Variants in DLG3 observed in about 807,000 individuals in gnomAD.
DLG3 encodes discs large MAGUK scaffold protein 3.
In DLG3, 1 loss-of-function variant was observed where a neutral mutation model predicts 64.1. That is an observed-to-expected ratio of 0.02 (90% CI 0.01 to 0.07). The LOEUF is 0.07. Among genes scored for constraint, DLG3 ranks in the 10% least tolerant of loss-of-function variants. The probability of loss-of-function intolerance (pLI) is 1.00; values close to 1 mark genes in which losing one functional copy is unlikely to be tolerated. For missense variants in DLG3, 429 were observed against 669.5 expected (o/e 0.64, Z 3.96); for synonymous variants, 245 against 259.8 (o/e 0.94, Z 0.55).
At chrX:70,488,475 C>T (rs905406792) in intron 10 of DLG3, among the ~76,000 whole-genome samples, 2 of 111,729 alleles carry the variant, frequency 1.8e-5, no homozygotes, top group Non-Finnish European at 3.8e-5. Context: ...AATTTTCTAG[C>T]TTAGTCAAAC....
chrX:70,447,576 C>T (rs916757547), intron 1 of DLG3, among the ~76,000 whole-genome samples: 3 of 111,848 alleles, frequency 2.7e-5, no homozygotes, highest in Admixed American at 9.4e-5. Context: ...GGAGGTGGGA[C>T]GGGGGAAGCA....
In DLG3 at chrX:70,473,594, T is replaced by A. The variant is rs748906006; in HGVS notation, c.1406-5556T>A. Among the ~76,000 whole-genome samples the A allele has an allele frequency of 3.1e-4, 35 of 111,202 alleles. No homozygotes were observed. In the East Asian group the frequency reaches 6.7e-3, roughly 21 times the overall value. On this transcript the variant is annotated intron_variant, in intron 9 of 18. Transcript: ENST00000374360. ...CAGTAGACATTCAGTAATTTTTTTT[T>A]ATTTTTTTTTATTTTTAGAGACAGC...
chrX:70,492,649 C>A (rs1241976515), intron 12 of DLG3, 53 bp downstream of exon 12: 1 of 1,086,582 alleles, frequency 9.2e-7, no homozygotes, highest in Non-Finnish European at 1.3e-6. Flanking sequence ...GGTTGAGAAG[C>A]CTGGAGTTTA....
At chrX:70,478,720 C>G (rs1015459926) in intron 9 of DLG3, among the ~76,000 whole-genome samples, 1 of 111,720 alleles carries the variant, frequency 9.0e-6, no homozygotes, top group East Asian at 2.8e-4. Context: ...CCCCTCCGCT[C>G]TGCGTCTCAG....
chrX:70,468,990 G>C (rs2086926985), intron 9 of DLG3, among the ~76,000 whole-genome samples: 1 of 110,571 alleles, frequency 9.0e-6, no homozygotes. Flanking sequence ...CCCATCATTA[G>C]AAACTAACCC....
chrX:70,450,065 G>A (rs766212047), intron 4 of DLG3, 104 bp from the exon 5 acceptor site: 569 of 1,084,304 alleles, frequency 5.2e-4, no homozygotes, highest in Non-Finnish European at 6.5e-4. Flanking sequence ...GGGAGCTCCT[G>A]TGGGGCCAGT....
chrX:70,493,256 A>G (rs2087391323), intron 12 of DLG3: 9 of 565,160 alleles, frequency 1.6e-5, no homozygotes, highest in Non-Finnish European at 2.4e-5. Flanking sequence ...TTTGTGAGAG[A>G]TGGTCTTTTA....
intron 9 of DLG3, among the ~76,000 whole-genome samples, chrX:70,476,219 CACAA>C (rs2087052697): frequency 1.8e-5 from 2 of 112,051 alleles, no homozygotes; most frequent in Admixed American, 9.5e-5. Flanking sequence ...CTTTGTGGGT[CACAA>C]ACAGTTGGGT....
rs773564625 is a variant in DLG3 at position 70,450,501 on chromosome X, C to T, written c.841-138C>T. 7.0e-3 allele frequency: 6,533 copies of T among 935,411 alleles called. 21 individuals carry two copies. Among genetic ancestry groups the T allele is most frequent in the Non-Finnish European group, 9.0e-3 (6,005 of 668,158 alleles). 77.1% of individuals were successfully genotyped at this position (935,411 alleles called of 1,213,427 possible). On this transcript the variant is annotated intron_variant, in intron 5 of 18. Coordinates refer to ENST00000374360, the MANE Select transcript of DLG3 (RefSeq NM_021120.4). ...CAGGGTCTTGCCCTATCCCCTACCTCCTGCCTCTGCTCCTCACAGCACTAT... is the reference window on the plus strand; with the variant it reads ...CAGGGTCTTGCCCTATCCCCTACCTTCTGCCTCTGCTCCTCACAGCACTAT...
chrX:70,457,477 A>G (rs946889345), intron 9 of DLG3, among the ~76,000 whole-genome samples: 2 of 112,192 alleles, frequency 1.8e-5, no homozygotes, highest in Non-Finnish European at 3.8e-5. Context: ...GGTGTTATTG[A>G]GAGGTAAGTC....
intron 9 of DLG3, among the ~76,000 whole-genome samples, chrX:70,465,792 C>T (rs903026387): frequency 6.8e-4 from 76 of 111,755 alleles, no homozygotes; most frequent in Non-Finnish European, 1.2e-3. Flanking sequence ...TTTCCTCGAT[C>T]ACCATATATT....
At chrX:70,454,571 T>G (rs958509210) in intron 9 of DLG3, among the ~76,000 whole-genome samples, 2 of 111,525 alleles carry the variant, frequency 1.8e-5, no homozygotes, top group African/African-American at 6.5e-5. Flanking sequence ...AGCAGCCTAC[T>G]GGAAGCAGCA....
chrX:70,503,651 G>A lies in DLG3; in HGVS notation c.*1382G>A, dbSNP rs1602999931. ...GCTCTGCTCCAGCCCCTCCCCAACA[G>A]CTGGTAGCTTATGGTTTCTTCAAGA... is the stretch of plus-strand genomic sequence containing the variant. On this transcript the variant is annotated 3_prime_UTR_variant, in exon 19 of 19. Coordinates refer to ENST00000374360, the MANE Select transcript of DLG3 (RefSeq NM_021120.4). 9.0e-6 allele frequency: 1 copy of A among 111,161 alleles called. No individual in the cohort carries two copies. The highest frequency in any genetic ancestry group is 3.3e-5 in the African/African-American group (1 of 30,450). The allele number at this position is 111,161 out of a possible 1,213,427, so 9.2% of individuals were successfully genotyped here. A position where few individuals can be genotyped will look rare whatever the true frequency, so the allele number is the denominator to read the frequency against.
chrX:70,470,888 C>A (rs2086958186), intron 9 of DLG3, among the ~76,000 whole-genome samples: 1 of 111,851 alleles, frequency 8.9e-6, no homozygotes, highest in African/African-American at 3.3e-5. Flanking sequence ...TAGTTTCAGT[C>A]CCCTTTGATG....
At chrX:70,455,159 T>C (rs941328316) in intron 9 of DLG3, 1 of 747,011 alleles carries the variant, frequency 1.3e-6, no homozygotes, top group Non-Finnish European at 1.6e-6. Flanking sequence ...CCTCCCCTCC[T>C]CCCGCGCGCC....
chrX:70,471,126 G>A (rs2086962794), intron 9 of DLG3, among the ~76,000 whole-genome samples: 1 of 110,162 alleles, frequency 9.1e-6, no homozygotes, highest in African/African-American at 3.3e-5. Flanking sequence ...TTCAATAAAT[G>A]TTGACTCAAC....
At chrX:70,496,845 T>C (rs761838629) in intron 13 of DLG3, among the ~76,000 whole-genome samples, 9 of 112,886 alleles carry the variant, frequency 8.0e-5, no homozygotes, top group Non-Finnish European at 1.1e-4. Flanking sequence ...TTCTTTCCTG[T>C]TGTTAGCCTT....
intron 9 of DLG3, among the ~76,000 whole-genome samples, chrX:70,473,846 G>A (rs1412139594): frequency 1.8e-5 from 2 of 111,435 alleles, no homozygotes; most frequent in African/African-American, 6.5e-5. Flanking sequence ...CTTCTACCTC[G>A]GCCTCCCAAA....
intron 9 of DLG3, among the ~76,000 whole-genome samples, chrX:70,472,092 C>T (rs1447800466): frequency 8.9e-6 from 1 of 112,195 alleles, no homozygotes; most frequent in Non-Finnish European, 1.9e-5. Flanking sequence ...TTGCACTCTG[C>T]CATCTACTCC....
Sources: allele counts gnomAD v4.1 joint callset (sites outside exome capture counted in the v4.1 genomes callset), GRCh38; gene constraint gnomAD v4.1.1; transcripts MANE v1.5; gene names NCBI Gene and HGNC (gene_info 2026-07-23, HGNC 2026-07-21).